Variants in ERCC3 observed in about 807,000 individuals in gnomAD.
ERCC3 encodes the protein general transcription and DNA repair factor IIH helicase/translocase subunit XPB.
ERCC3 carries 66 observed loss-of-function variants against 94.2 expected under a neutral mutation model. That is an observed-to-expected ratio of 0.70 (90% CI 0.57 to 0.86). The LOEUF is 0.86. ERCC3 is among the 40% of genes least tolerant of loss of function. The pLI is 0.00. For missense variants in ERCC3, 829 were observed against 987.1 expected, an observed-to-expected ratio of 0.84 and a Z score of 2.15; for synonymous variants, 349 against 369.1, an observed-to-expected ratio of 0.95 and a Z score of 0.63.
intron 10 of ERCC3, among the ~76,000 whole-genome samples, chr2:127,273,538 T>C (rs911759106): frequency 3.3e-5 from 5 of 150,470 alleles, no homozygotes; most frequent in Non-Finnish European, 4.4e-5. Context: ...TCACCTGAGG[T>C]TGGGAATTCA....
At chr2:127,290,198 G>A (rs1172507273) in intron 4 of ERCC3, 26 bp downstream of exon 4, 3 of 1,598,770 alleles carry the variant, frequency 1.9e-6, no homozygotes, top group African/African-American at 1.3e-5. Context: ...AGTGCCTTGG[G>A]ACAGGCCTGT....
rs557468377 is a variant in ERCC3 at position 127,280,001 on chromosome 2, C to T, written c.1527+446G>A. On this transcript the variant is annotated intron_variant, in intron 9 of 14. Transcript: ENST00000285398. The surrounding 1 kb of genome is among the most constrained non-coding windows in gnomAD (Gnocchi z 6.3). ...TCCATTTAAGCCACACTTCCACACA[C>T]GAGTCAGCACTGCTACTGAGTACCG... is the stretch of plus-strand genomic sequence containing the variant. 3.9e-5 allele frequency among the ~76,000 whole-genome samples: 6 copies of T among 152,216 alleles called. No individual in the cohort carries two copies. The highest frequency in any genetic ancestry group is 3.3e-4 in the Admixed American group (5 of 15,290).
intron 8 of ERCC3, among the ~76,000 whole-genome samples, chr2:127,282,578 A>C (rs888588365): frequency 6.6e-6 from 1 of 152,254 alleles, no homozygotes; most frequent in African/African-American, 2.4e-5. Flanking sequence ...GATAAATCTC[A>C]AAGATTGATC....
Position 127,284,839 on chromosome 2 carries a change from A to G in ERCC3, c.1342+1864T>C, listed in dbSNP as rs1057034472. ...GCTGAGACCACAGGTGCACACCACC[A>G]CACTTGGCTAATTAAAAAAATTTTT... On this transcript the variant is annotated intron_variant, in intron 8 of 14. Transcript: ENST00000285398. The surrounding 1 kb of genome is among the most constrained non-coding windows in gnomAD (Gnocchi z 4.1). 1.3e-5 allele frequency among the ~76,000 whole-genome samples: 2 copies of G among 152,038 alleles called. No individual in the cohort carries two copies. Among genetic ancestry groups the G allele is most frequent in the South Asian group, 2.1e-4 (1 of 4,820 alleles).
intron 12 of ERCC3, among the ~76,000 whole-genome samples, chr2:127,265,321 T>C (rs958787240): frequency 2.0e-5 from 3 of 152,258 alleles, no homozygotes; most frequent in Non-Finnish European, 4.4e-5. Flanking sequence ...GAATCTTTTG[T>C]ATTTCTGGGG....
rs907258260 is a variant in ERCC3, at chr2:127,264,530, T to C, written c.1946-3184A>G. ...ATTATATGCTTTTCATTTTTAATTA[T>C]GTGGTGAATCATATTTATTGATTTC... is the stretch of plus-strand genomic sequence containing the variant. On this transcript the variant is annotated intron_variant, in intron 12 of 14. Coordinates refer to ENST00000285398, the MANE Select transcript of ERCC3 (RefSeq NM_000122.2). The surrounding 1 kb of genome is among the most constrained non-coding windows in gnomAD (Gnocchi z 4.4). Among the ~76,000 whole-genome samples, 8 of 152,254 alleles carry C rather than the reference T, an allele frequency of 5.3e-5. No individual in the cohort carries two copies. The highest frequency in any genetic ancestry group is 1.3e-4 in the Admixed American group (2 of 15,288).
In ERCC3 at chr2:127,264,054, C is replaced by T. The variant is rs1684280063; in HGVS notation, c.1946-2708G>A. Among the ~76,000 whole-genome samples, 1 of 152,148 alleles carries T rather than the reference C, an allele frequency of 6.6e-6. No homozygotes were observed. Among genetic ancestry groups the T allele is most frequent in the Non-Finnish European group, 1.5e-5 (1 of 68,036 alleles). Reference sequence around the variant, plus strand: ...AGGGAATGCTTCCAGCTTTTGCTTACTTAGTATGATGTTGGCTGTGAGTTT... The same window carrying T: ...AGGGAATGCTTCCAGCTTTTGCTTATTTAGTATGATGTTGGCTGTGAGTTT... On this transcript the variant is annotated intron_variant, in intron 12 of 14. Coordinates refer to ENST00000285398, the MANE Select transcript of ERCC3 (RefSeq NM_000122.2). The surrounding 1 kb of genome is among the most constrained non-coding windows in gnomAD (Gnocchi z 4.4).
At chr2:127,290,352 T>A in intron 3 of ERCC3, 79 bp from the exon 4 acceptor site, 1 of 1,177,700 alleles carries the variant, frequency 8.5e-7, no homozygotes, top group Non-Finnish European at 1.3e-6. Flanking sequence ...ATCTTACACC[T>A]ACCAACCAAG....
Position 127,284,897 on chromosome 2 carries a change from G to C in ERCC3, c.1342+1806C>G, listed in dbSNP as rs2104768043. On this transcript the variant is annotated intron_variant, in intron 8 of 14. Transcript: ENST00000285398. This position sits in a 1 kb window ranked among gnomAD's most constrained non-coding sequence, Gnocchi z 4.1. ...GAGACATGTCTCACTATGTTACCCA[G>C]GCTAATCTTAAGCTCCTGGGCTCAA... is the stretch of plus-strand genomic sequence containing the variant. Among the ~76,000 whole-genome samples the C allele has an allele frequency of 6.6e-6, 1 of 152,102 alleles. No individual in the cohort carries two copies. The highest frequency in any genetic ancestry group is 1.5e-5 in the Non-Finnish European group (1 of 67,990).
Position 127,288,702 on chromosome 2 carries a change from C to G in ERCC3, c.985G>C (p.Gly329Arg). Residue 329 changes from glycine to arginine, a missense_variant, in exon 7 of 15, where the codon GGA becomes CGA. Coordinates refer to ENST00000285398, the MANE Select transcript of ERCC3 (RefSeq NM_000122.2). ...ACCCCCGAACGTGCACGCCCGTTTC[C>G]AAACATCTTTCGCAAGCTCTTCTCC... ...YQEKSLRKMF[G>R]NGRARSGVIV... 6.2e-7 allele frequency: 1 copy of G among 1,614,140 alleles called. No individual in the cohort carries two copies. Among genetic ancestry groups the G allele is most frequent in the Non-Finnish European group, 8.5e-7 (1 of 1,180,008 alleles).
At chr2:127,266,541 G>GTTA (rs1166142544) in intron 12 of ERCC3, among the ~76,000 whole-genome samples, 1 of 151,416 alleles carries the variant, frequency 6.6e-6, no homozygotes, top group African/African-American at 2.4e-5. Flanking sequence ...GTTTCACTGT[G>GTTA]TTAGCCAGGA....
At position 127,286,738 on chromosome 2, in the gene ERCC3, C is replaced by T. The variant is rs1685079912; in HGVS notation, c.1307G>A (p.Gly436Asp). The T allele has an allele frequency of 6.2e-7, 1 of 1,614,120 alleles. No homozygotes were observed. Among genetic ancestry groups the T allele is most frequent in the South Asian group, 1.1e-5 (1 of 91,084 alleles). ...GTGCACTTCATCCAGGATCATGAGG[C>T]CCCACTCCTGGGTCTTGAGCCACTC... ...VMEWLKTQEWGLMILDEVHTI... is the reference protein window; with the variant it reads ...VMEWLKTQEWDLMILDEVHTI... Residue 436 changes from glycine to aspartate, a missense_variant, in exon 8 of 15, where the codon GGC becomes GAC. Coordinates refer to ENST00000285398, the MANE Select transcript of ERCC3 (RefSeq NM_000122.2).
chr2:127,294,002 G>A (rs1479240044), intron 1 of ERCC3, 52 bp downstream of exon 1: 2 of 1,594,562 alleles, frequency 1.3e-6, no homozygotes, highest in Non-Finnish European at 1.7e-6. Context: ...CAGAGCGGGG[G>A]GCAGGGCCGG....
chr2:127,259,484 GCT>G lies in ERCC3; in HGVS notation c.2065-38_2065-37del, dbSNP rs1483361439. The stretch of plus-strand genomic sequence containing the variant: ...CAAGCCAGCAGACATGCCCCTTTCT[GCT>G]CTCTCTCCCCAGCCCTCCTCTGCCT... On this transcript the variant is annotated intron_variant, in intron 13 of 14. Transcript: ENST00000285398. The surrounding 1 kb of genome is among the most constrained non-coding windows in gnomAD (Gnocchi z 4.9). 2.5e-6 allele frequency: 4 copies of G among 1,613,098 alleles called. No individual in the cohort carries two copies. Among genetic ancestry groups the G allele is most frequent in the East Asian group, 2.2e-5 (1 of 44,866 alleles).
At chr2:127,266,333 CT>C (rs58029182) in intron 12 of ERCC3, among the ~76,000 whole-genome samples, 2,717 of 110,898 alleles carry the variant, frequency 0.025, 12 homozygotes, top group Non-Finnish European at 0.037. Flanking sequence ...TTTATTGAGT[CT>C]TTTTTTTTTT....
intron 4 of ERCC3, 61 bp from the exon 5 acceptor site, chr2:127,289,885 T>C: frequency 1.9e-6 from 3 of 1,570,848 alleles, no homozygotes; most frequent in Non-Finnish European, 2.6e-6. Flanking sequence ...GAGATTCCAC[T>C]GCTCATTCAA....
rs780835549 is a variant in ERCC3, at chr2:127,279,186, T to C, written c.1717A>G (p.Ile573Val). The change falls in exon 10 of 15, where the codon ATT becomes GTT. Residue 573 changes from isoleucine (I) to valine (V), a missense_variant. Ile to Val is a conservative substitution (Grantham distance 29). Transcript: ENST00000285398. The surrounding 1 kb of genome is among the most constrained non-coding windows in gnomAD (Gnocchi z 4.7). ...TTCAATTCTTACTTGTTCAGTCGAA[T>C]GGCATATTCCTTTAGGGCAAACACA... ...DNVFALKEYA[I>V]RLNKPYIYGP... is the part of the protein sequence containing the mutation. 6.2e-7 allele frequency: 1 copy of C among 1,611,406 alleles called. No individual in the cohort carries two copies. The highest frequency in any genetic ancestry group is 8.5e-7 in the Non-Finnish European group (1 of 1,177,498).
chr2:127,289,525 C>T (rs4150413), intron 5 of ERCC3, 24 bp from the exon 6 acceptor site: 12 of 1,612,008 alleles, frequency 7.4e-6, no homozygotes, highest in African/African-American at 2.7e-5. Context: ...AGGTGCTGAA[C>T]GTGCACACAA....
At position 127,288,807 on chromosome 2, in the gene ERCC3, C is replaced by T. The variant is rs754834163; in HGVS notation, c.880G>A (p.Glu294Lys). ...ACAGAATCATTCCGGAAGTCATATT[C>T]TGCCAACAGAGGGTACTCCAGGTGG... is the stretch of plus-strand genomic sequence containing the variant. ...CIHLEYPLLAEYDFRNDSVNP... is the reference protein window; with the variant it reads ...CIHLEYPLLAKYDFRNDSVNP... Residue 294 changes from glutamate to lysine, a missense_variant, in exon 7 of 15, where the codon GAA (glutamate) becomes AAA (lysine). By Grantham distance (56) the Glu-to-Lys change is moderately conservative (BLOSUM62 1). Coordinates refer to ENST00000285398, the MANE Select transcript of ERCC3 (RefSeq NM_000122.2). 1 of 1,614,004 alleles carries T rather than the reference C, an allele frequency of 6.2e-7. No homozygotes were observed. The highest frequency in any genetic ancestry group is 8.5e-7 in the Non-Finnish European group (1 of 1,180,002).
Sources: gnomAD v4.1 joint callset for allele counts (sites outside exome capture counted in the v4.1 genomes callset) on GRCh38, gnomAD v4.1.1 for gene constraint, Gnocchi (gnomAD v3.1) non-coding constraint, MANE v1.5 for transcripts, NCBI Gene and HGNC (gene_info 2026-07-23, HGNC 2026-07-21) for gene names.